Variants in THOC7 observed in about 807,000 individuals in gnomAD.
THOC7 encodes THO complex subunit 7, also known as NIF3L1-binding protein 1.
THOC7 carries 22 observed loss-of-function variants against 33.1 expected under a neutral mutation model. The observed-to-expected ratio is 0.66, with a 90% CI of 0.47 to 0.95. The LOEUF (loss-of-function observed/expected upper bound fraction) is 0.95, where lower values mean the gene tolerates loss of function less well. Among genes scored for constraint, THOC7 ranks in the 40% least tolerant of loss-of-function variants. The pLI, the probability that THOC7 is intolerant of heterozygous loss-of-function variation, is 0.00. For synonymous variants in THOC7, 77 were observed against 76.8 expected (o/e 1.00, Z -0.01); for missense variants, 184 against 245.3 (o/e 0.75, Z 1.67).
At chr3:63,861,140 T>C (rs547421568) in intron 1 of THOC7, 1 of 152,332 alleles carries the variant, frequency 6.6e-6, no homozygotes, top group South Asian at 2.1e-4. Flanking sequence ...AACAATCCGC[T>C]GATGTGGATT....
At chr3:63,836,483 A>T (rs1360006907) in intron 4 of THOC7, 125 bp from the exon 5 acceptor site, 1 of 832,092 alleles carries the variant, frequency 1.2e-6, no homozygotes, top group African/African-American at 1.7e-5. Flanking sequence ...GAAATCACTG[A>T]AAGATGAGTA....
intron 1 of THOC7, among the ~76,000 whole-genome samples, chr3:63,858,067 T>C (rs1702144496): frequency 6.6e-6 from 1 of 152,092 alleles, no homozygotes; most frequent in African/African-American, 2.4e-5. Flanking sequence ...CTAATTAACA[T>C]TGGATCAGCA....
At chr3:63,841,042 T>A (rs1337447731) in intron 1 of THOC7, among the ~76,000 whole-genome samples, 1 of 152,194 alleles carries the variant, frequency 6.6e-6, no homozygotes, top group African/African-American at 2.4e-5. Context: ...AGTAAGAAAC[T>A]GGTTAAATGA....
At chr3:63,841,501 C>T (rs1462296277) in intron 1 of THOC7, among the ~76,000 whole-genome samples, 4 of 152,120 alleles carry the variant, frequency 2.6e-5, no homozygotes, top group Admixed American at 1.3e-4. Context: ...TGTGTGTAGG[C>T]AGAAGTATTT....
intron 4 of THOC7, among the ~76,000 whole-genome samples, chr3:63,837,359 T>C (rs1701656979): frequency 6.6e-6 from 1 of 152,008 alleles, no homozygotes. Flanking sequence ...TTACTTTTCT[T>C]CAATTTACAT....
In THOC7 at chr3:63,846,441, CTT is replaced by C. The variant is rs971123835; in HGVS notation, c.20-6670_20-6669del. ...TATTTTTTTTAGACGGAGTTTCACT[CTT>C]GTTGCCCAGGCTGGAGTGCAAGGGC... On this transcript the variant is annotated intron_variant, in intron 1 of 7. Transcript: ENST00000295899. Among the ~76,000 whole-genome samples, 245 of 152,192 alleles carry C rather than the reference CTT, an allele frequency of 1.6e-3. 1 individual carries two copies. Among genetic ancestry groups the C allele is most frequent in the African/African-American group, 5.8e-3 (241 of 41,518 alleles).
chr3:63,843,711 T>A (rs1003710990), intron 1 of THOC7, among the ~76,000 whole-genome samples: 1 of 151,980 alleles, frequency 6.6e-6, no homozygotes, highest in South Asian at 2.1e-4. Context: ...CCATCCTGGC[T>A]AACACAGTGA....
At chr3:63,859,573 C>T (rs1053121732) in intron 1 of THOC7, among the ~76,000 whole-genome samples, 1 of 152,244 alleles carries the variant, frequency 6.6e-6, no homozygotes, top group Admixed American at 6.5e-5. Flanking sequence ...TCCCCCATTA[C>T]TCTCTGTCCT....
chr3:63,848,989 A>C (rs1701966174), intron 1 of THOC7, among the ~76,000 whole-genome samples: 1 of 152,254 alleles, frequency 6.6e-6, no homozygotes, highest in African/African-American at 2.4e-5. Context: ...GGTTGTCTGC[A>C]TAAGTTCAAC....
At chr3:63,837,046 TG>T (rs947851531) in intron 4 of THOC7, among the ~76,000 whole-genome samples, 2 of 151,210 alleles carry the variant, frequency 1.3e-5, no homozygotes, top group South Asian at 2.1e-4. Flanking sequence ...CATTTTAAAC[TG>T]AAAAAAAAAA....
chr3:63,863,799 C>G lies in THOC7; in HGVS notation c.-9G>C. On this transcript the variant is annotated 5_prime_UTR_variant, in exon 1 of 8. Coordinates refer to ENST00000295899, the MANE Select transcript of THOC7 (RefSeq NM_025075.4). The stretch of plus-strand genomic sequence containing the variant: ...TCAGTCACGGCTCCCATGGCGTGCG[C>G]GGCGGCGGCGGCGGCGGCGGCGGCG... The G allele has an allele frequency of 9.9e-7, 1 of 1,011,432 alleles. No homozygotes were observed. Among genetic ancestry groups the G allele is most frequent in the South Asian group, 4.3e-5 (1 of 23,106 alleles). 62.7% of individuals were successfully genotyped at this position (1,011,432 alleles called of 1,614,324 possible). A position where few individuals can be genotyped will look rare whatever the true frequency, so the allele number is the denominator to read the frequency against.
intron 1 of THOC7, among the ~76,000 whole-genome samples, chr3:63,841,920 C>T (rs1674491552): frequency 1.3e-5 from 2 of 152,078 alleles, no homozygotes; most frequent in Admixed American, 6.5e-5. Flanking sequence ...TCTCAAGTCT[C>T]CAAGAAATAC....
At chr3:63,863,226 C>G (rs1390391352) in intron 1 of THOC7, 5 of 157,618 alleles carry the variant, frequency 3.2e-5, no homozygotes, top group Admixed American at 1.3e-4. Flanking sequence ...CCCAGGACCC[C>G]TCCTGGTGTC....
chr3:63,843,772 G>C (rs1016962564), intron 1 of THOC7, among the ~76,000 whole-genome samples: 3 of 152,034 alleles, frequency 2.0e-5, no homozygotes, highest in Non-Finnish European at 4.4e-5. Context: ...ATGGTGGCTG[G>C]TGCCTGTAGT....
intron 1 of THOC7, chr3:63,846,137 C>T (rs960355426): frequency 8.1e-6 from 3 of 369,370 alleles, no homozygotes; most frequent in African/African-American, 2.1e-5. Context: ...CTCCTACTGC[C>T]TCTCTCTCTC....
chr3:63,836,477 T>C (rs1274396049), intron 4 of THOC7, 119 bp from the exon 5 acceptor site: 9 of 890,130 alleles, frequency 1.0e-5, no homozygotes, highest in Non-Finnish European at 1.6e-5. Context: ...AGAAATGAAA[T>C]CACTGAAAGA....
At chr3:63,847,594 G>T (rs576544255) in intron 1 of THOC7, among the ~76,000 whole-genome samples, 14 of 152,238 alleles carry the variant, frequency 9.2e-5, no homozygotes, top group Non-Finnish European at 1.8e-4. Context: ...AAAATTAGCC[G>T]GGTGTGGGGT....
At chr3:63,834,526 G>A (rs932184093) in intron 7 of THOC7, among the ~76,000 whole-genome samples, 3 of 151,918 alleles carry the variant, frequency 2.0e-5, no homozygotes, top group Admixed American at 1.3e-4. Flanking sequence ...TGGGTGTGGT[G>A]GCATGCACCT....
At chr3:63,863,839 G>A, upstream of THOC7, 1 of 1,220,692 alleles carries the variant, frequency 8.2e-7, no homozygotes, top group Non-Finnish European at 1.0e-6. Context: ...CTGAGGCGGC[G>A]GTTGGCGGCG....
Sources: gnomAD v4.1 joint callset for allele counts (sites outside exome capture counted in the v4.1 genomes callset) on GRCh38, gnomAD v4.1.1 for gene constraint, MANE v1.5 for transcripts, NCBI Gene and HGNC (gene_info 2026-07-23, HGNC 2026-07-21) for gene names.